ZNF385D: variants seen among roughly 807,000 people sequenced by gnomAD.
ZNF385D encodes zinc finger protein 659.
Under a neutral mutation model 35.8 loss-of-function variants are expected in ZNF385D, and 15 were observed. The ratio of observed to expected loss-of-function variants is 0.42; its 90% CI spans 0.28 to 0.64. The LOEUF (loss-of-function observed/expected upper bound fraction) is 0.64. ZNF385D is among the 30% of genes least tolerant of loss of function. The probability of loss-of-function intolerance (pLI) is 0.23; values close to 1 mark genes in which losing one functional copy is unlikely to be tolerated. For synonymous variants in ZNF385D, 212 were observed against 186.8 expected (o/e 1.13, Z -1.10); for missense variants, 474 against 494.6 (o/e 0.96, Z 0.39).
rs190272569 is a variant in ZNF385D, at chr3:22,012,816, T to C, written c.325+156001A>G. Among the ~76,000 whole-genome samples, 4 of 152,236 alleles carry C rather than the reference T, an allele frequency of 2.6e-5. No individual in the cohort carries two copies. The East Asian group carries it at 7.7e-4, about 29-fold the overall frequency. ...CTTAGGAACTGGTAATCAGCTCCTGTCTAAATTTAAGTACTGGCAATAGAT... is the reference window on the plus strand; with the variant it reads ...CTTAGGAACTGGTAATCAGCTCCTGCCTAAATTTAAGTACTGGCAATAGAT... On this transcript the variant is annotated intron_variant, in intron 3 of 5. Coordinates refer to the ZNF385D transcript ENST00000494108.
In ZNF385D at chr3:22,287,265, G is replaced by T. The variant is rs554405058; in HGVS notation, c.106+85185C>A. Among the ~76,000 whole-genome samples, 6 of 152,006 alleles carry T rather than the reference G, an allele frequency of 3.9e-5. No individual in the cohort carries two copies. The South Asian group carries it at 1.2e-3, about 32-fold the overall frequency. On this transcript the variant is annotated intron_variant, in intron 2 of 5. Coordinates refer to the ZNF385D transcript ENST00000494108. ...AACTTTTAGTTTATTTGTCCTCAAA[G>T]GAGAAATGAGTCTCTTAAAGTGAGC...
Position 21,419,807 on chromosome 3 carries a change from G to T in ZNF385D, c.*1407C>A, listed in dbSNP as rs981809836. On this transcript the variant is annotated 3_prime_UTR_variant, in exon 8 of 8. Coordinates refer to ENST00000281523, the MANE Select transcript of ZNF385D (RefSeq NM_024697.3). ...GATGGTTATATAATTATTTTATATAGATTTTTTCTTTTTATAACTTATTCT... is the reference window on the plus strand; with the variant it reads ...GATGGTTATATAATTATTTTATATATATTTTTTCTTTTTATAACTTATTCT... 4 of 151,780 alleles carry T rather than the reference G, an allele frequency of 2.6e-5. No individual in the cohort carries two copies. The highest frequency in any genetic ancestry group is 3.2e-3 in the Middle Eastern group (1 of 314). 9.4% of individuals were successfully genotyped at this position (151,780 alleles called of 1,614,324 possible).
intron 2 of ZNF385D, among the ~76,000 whole-genome samples, chr3:21,574,669 G>A (rs2063441377): frequency 6.6e-6 from 1 of 152,056 alleles, no homozygotes; most frequent in South Asian, 2.1e-4. Flanking sequence ...ATCTTTGAGA[G>A]GATTTAGGGG....
At chr3:21,766,973 T>C (rs1461610989) in intron 3 of ZNF385D, among the ~76,000 whole-genome samples, 2 of 152,090 alleles carry the variant, frequency 1.3e-5, no homozygotes, top group African/African-American at 4.8e-5. Context: ...TCAATGGCCA[T>C]ATTTAGTGTA....
intron 3 of ZNF385D, among the ~76,000 whole-genome samples, chr3:22,002,219 A>G (rs1253372980): frequency 2.0e-5 from 3 of 152,036 alleles, no homozygotes; most frequent in Admixed American, 2.0e-4. Flanking sequence ...CAATACCAAA[A>G]AAGACCCAAA....
At chr3:21,682,464 T>C (rs2066947615) in intron 1 of ZNF385D, among the ~76,000 whole-genome samples, 2 of 150,260 alleles carry the variant, frequency 1.3e-5, no homozygotes, top group Admixed American at 6.6e-5. Flanking sequence ...GGTGAACAGA[T>C]GTTCTTCATT....
At chr3:22,349,825 T>C (rs754913071) in intron 2 of ZNF385D, among the ~76,000 whole-genome samples, 1 of 152,168 alleles carries the variant, frequency 6.6e-6, no homozygotes, top group African/African-American at 2.4e-5. Flanking sequence ...CTAACTTCGA[T>C]AAATTTCTAG....
intron 2 of ZNF385D, among the ~76,000 whole-genome samples, chr3:22,181,561 A>C (rs914883442): frequency 6.6e-6 from 1 of 151,968 alleles, no homozygotes. Context: ...AGCCGGTCGC[A>C]GTGGCGGGCG....
chr3:22,317,455 C>T (rs1703963289), intron 2 of ZNF385D, among the ~76,000 whole-genome samples: 1 of 152,014 alleles, frequency 6.6e-6, no homozygotes. Flanking sequence ...TCTACCTATT[C>T]TTCTGAGGGC....
chr3:21,989,742 C>T (rs943367642), intron 3 of ZNF385D, among the ~76,000 whole-genome samples: 1 of 152,114 alleles, frequency 6.6e-6, no homozygotes, highest in African/African-American at 2.4e-5. Context: ...TGAATGTTCT[C>T]CTCATCTAAG....
chr3:21,747,971 C>T (rs2069859447), intron 1 of ZNF385D, among the ~76,000 whole-genome samples: 2 of 152,082 alleles, frequency 1.3e-5, no homozygotes, highest in South Asian at 4.1e-4. Context: ...AAATCCCACT[C>T]AGGTTGCTGA....
At chr3:22,213,457 T>C (rs1001675909) in intron 2 of ZNF385D, among the ~76,000 whole-genome samples, 8 of 152,064 alleles carry the variant, frequency 5.3e-5, no homozygotes, top group African/African-American at 1.4e-4. Flanking sequence ...CTTCTAGAAA[T>C]AGAATACTTC....
chr3:22,209,797 C>T (rs1194076051), intron 2 of ZNF385D, among the ~76,000 whole-genome samples: 7 of 151,358 alleles, frequency 4.6e-5, no homozygotes, highest in Non-Finnish European at 7.4e-5. Flanking sequence ...AATAATATAA[C>T]CACATATACA....
intron 3 of ZNF385D, among the ~76,000 whole-genome samples, chr3:21,532,429 G>A (rs372740363): frequency 6.6e-6 from 1 of 152,124 alleles, no homozygotes; most frequent in Admixed American, 6.5e-5. Flanking sequence ...TATATAAATC[G>A]CAAACATTTG....
At chr3:21,505,452 C>A (rs1265911242) in intron 4 of ZNF385D, among the ~76,000 whole-genome samples, 3 of 152,072 alleles carry the variant, frequency 2.0e-5, no homozygotes, top group African/African-American at 7.2e-5. Context: ...AAGGCACACA[C>A]CCCTACACGT....
chr3:22,026,684 G>T (rs1697573677), intron 3 of ZNF385D, among the ~76,000 whole-genome samples: 1 of 152,186 alleles, frequency 6.6e-6, no homozygotes, highest in African/African-American at 2.4e-5. Context: ...GAGCGGTAGA[G>T]TGAGGGTTAT....
rs545375914 is a variant in ZNF385D, at chr3:21,617,820, G to A, written c.165+47066C>T. On this transcript the variant is annotated intron_variant, in intron 2 of 7. Transcript: ENST00000281523. The stretch of plus-strand genomic sequence containing the variant: ...GAAGGGAAAGAACACTGGGTGAGGA[G>A]TGAGGAAACTGGCCTTCTTTCCCTC... Among the ~76,000 whole-genome samples the A allele has an allele frequency of 2.6e-5, 4 of 152,292 alleles. No individual in the cohort carries two copies. The East Asian group carries it at 5.8e-4, about 22-fold the overall frequency.
chr3:21,479,802 A>T (rs2125372617), intron 4 of ZNF385D, among the ~76,000 whole-genome samples: 1 of 152,290 alleles, frequency 6.6e-6, no homozygotes, highest in East Asian at 1.9e-4. Flanking sequence ...GCCACTTTCT[A>T]ATATTACTTG....
At chr3:21,433,075 G>T (rs902243949) in intron 5 of ZNF385D, among the ~76,000 whole-genome samples, 1 of 152,006 alleles carries the variant, frequency 6.6e-6, no homozygotes, top group African/African-American at 2.4e-5. Context: ...ATATACAAAG[G>T]CCCAGAGAGG....
Sources: allele counts gnomAD v4.1 joint callset (sites outside exome capture counted in the v4.1 genomes callset), GRCh38; gene constraint gnomAD v4.1.1; transcripts MANE v1.5; gene names NCBI Gene and HGNC (gene_info 2026-07-23, HGNC 2026-07-21).